CPNE7: variants seen among roughly 807,000 people sequenced by gnomAD.
CPNE7 encodes the protein copine-7.
Under a neutral mutation model 66.5 loss-of-function variants are expected in CPNE7, and 78 were observed. The ratio of observed to expected loss-of-function variants is 1.17; its 90% CI spans 0.98 to 1.42. CPNE7 has a LOEUF of 1.42. Among genes scored for constraint, CPNE7 ranks in the 40% most tolerant of loss-of-function variants. The pLI is 0.00. For missense variants in CPNE7, 1,012 were observed against 776.6 expected, an observed-to-expected ratio of 1.30 and a Z score of -3.60; for synonymous variants, 468 against 336.7, an observed-to-expected ratio of 1.39 and a Z score of -4.27.
intron 13 of CPNE7, among the ~76,000 whole-genome samples, chr16:89,593,431 C>A (rs1452836317): frequency 6.6e-6 from 1 of 151,600 alleles, no homozygotes; most frequent in East Asian, 1.9e-4. Flanking sequence ...TGGTTCACTG[C>A]AAGCTCCGCC....
chr16:89,589,851 C>T, intron 10 of CPNE7, 46 bp from the exon 11 acceptor site: 1 of 1,609,338 alleles, frequency 6.2e-7, no homozygotes, highest in Non-Finnish European at 8.5e-7. Flanking sequence ...CCTGTTGCAG[C>T]CACAAGAGGT....
At chr16:89,583,358 C>G (rs1243525454) in intron 2 of CPNE7, 2 of 1,319,090 alleles carry the variant, frequency 1.5e-6, no homozygotes, top group Non-Finnish European at 2.1e-6. Context: ...GAGGGGCGTC[C>G]GCCACACCTG....
chr16:89,583,872 G>T (rs2058994245), intron 3 of CPNE7, 101 bp downstream of exon 3: 2 of 1,469,736 alleles, frequency 1.4e-6, no homozygotes, highest in East Asian at 4.7e-5. Context: ...TCCAGGGAGG[G>T]TCTGCAGGAG....
intron 13 of CPNE7, among the ~76,000 whole-genome samples, chr16:89,593,347 T>C (rs914617736): frequency 1.3e-4 from 19 of 150,962 alleles, no homozygotes; most frequent in African/African-American, 4.7e-4. Context: ...ATCACGGTTT[T>C]ACCTCTTAAT....
rs61740474 is a variant in CPNE7, at chr16:89,591,524, A to G, written c.1302+264A>G. On this transcript the variant is annotated intron_variant, in intron 13 of 14. Coordinates refer to ENST00000319518, the MANE Select transcript of CPNE7 (RefSeq NM_153636.3). ...CTGCCCCTCTCCTCTTCCTCTGGGC[A>G]CCACAAGGCCGCGCACATGTCTACT... 1.7e-3 allele frequency among the ~76,000 whole-genome samples: 252 copies of G among 152,248 alleles called. 2 individuals are homozygous for G. The highest frequency in any genetic ancestry group is 5.8e-3 in the African/African-American group (239 of 41,528).
intron 3 of CPNE7, 86 bp from the exon 4 acceptor site, chr16:89,583,942 G>A (rs926555905): frequency 1.9e-6 from 3 of 1,539,952 alleles, no homozygotes; most frequent in East Asian, 2.3e-5. Context: ...CGCTGGGTGG[G>A]GTCAGCCAGC....
rs1211152076 is a variant in CPNE7, at chr16:89,590,875, G to A, written c.1117-132G>A. On this transcript the variant is annotated intron_variant, in intron 11 of 14. Transcript: ENST00000319518. ...CTCTTTAGTAGGCGGGGGACATGAG[G>A]GCGGGGACGGGGGGAGCAGCTGACT... The A allele has an allele frequency of 8.2e-6, 7 of 849,612 alleles. No homozygotes were observed. In the Admixed American group the frequency reaches 1.6e-4, roughly 19 times the overall value. 52.6% of individuals were successfully genotyped at this position (849,612 alleles called of 1,614,324 possible). A position where few individuals can be genotyped will look rare whatever the true frequency, so the allele number is the denominator to read the frequency against.
intron 2 of CPNE7, among the ~76,000 whole-genome samples, chr16:89,582,897 G>T (rs985708517): frequency 6.6e-6 from 1 of 152,250 alleles, no homozygotes; most frequent in Non-Finnish European, 1.5e-5. Flanking sequence ...AGGAGATGAC[G>T]GCCACCCCGC....
chr16:89,588,876 T>G, intron 10 of CPNE7, 68 bp downstream of exon 10: 2 of 1,579,158 alleles, frequency 1.3e-6, no homozygotes, highest in Non-Finnish European at 1.7e-6. Context: ...CCTGGCCGTC[T>G]TCCCCCTCAC....
rs1479074839 is a variant in CPNE7 at position 89,587,977 on chromosome 16, C to G, written c.928-698C>G. On this transcript the variant is annotated intron_variant, in intron 9 of 14. Coordinates refer to ENST00000319518, the MANE Select transcript of CPNE7 (RefSeq NM_153636.3). ...CGTGTTACCCACAGATACACGGCCC[C>G]CGTGTCACCCACAGATACACGGCCC... Among the ~76,000 whole-genome samples the G allele has an allele frequency of 1.1e-3, 14 of 12,786 alleles. 5 individuals are homozygous for G. Among genetic ancestry groups the G allele is most frequent in the South Asian group, 3.0e-3 (2 of 674 alleles). 8.4% of individuals were successfully genotyped at this position (12,786 alleles called of 152,430 possible).
chr16:89,587,225 C>G (rs1352101195), intron 9 of CPNE7, 123 bp downstream of exon 9: 1 of 408,104 alleles, frequency 2.5e-6, no homozygotes, highest in African/African-American at 5.0e-5. Flanking sequence ...CATCCCCGCC[C>G]CCTCAGTCCG....
At chr16:89,591,106 C>G in intron 12 of CPNE7, 21 bp from the exon 13 acceptor site, 2 of 1,613,030 alleles carry the variant, frequency 1.2e-6, no homozygotes, top group Non-Finnish European at 1.7e-6. Flanking sequence ...GGGGGCCGGG[C>G]TCACCCCCTG....
intron 13 of CPNE7, among the ~76,000 whole-genome samples, chr16:89,591,674 C>G (rs985352298): frequency 6.6e-6 from 1 of 152,044 alleles, no homozygotes; most frequent in Admixed American, 6.5e-5. Flanking sequence ...TCTCTGGGGC[C>G]ACAGCCAGCC....
intron 2 of CPNE7, among the ~76,000 whole-genome samples, chr16:89,581,444 G>A (rs1241359517): frequency 2.0e-5 from 3 of 152,160 alleles, no homozygotes; most frequent in Non-Finnish European, 4.4e-5. Flanking sequence ...GGAATTCCAC[G>A]TCCATGAATC....
chr16:89,593,895 C>T lies in CPNE7; in HGVS notation c.1303-1472C>T, dbSNP rs192869408. Among the ~76,000 whole-genome samples, 739 of 152,262 alleles carry T rather than the reference C, an allele frequency of 4.9e-3. 3 individuals are homozygous for T. Among genetic ancestry groups the T allele is most frequent in the Non-Finnish European group, 7.9e-3 (535 of 68,010 alleles). ...GTTATGTTCCTGTGTGGCTGGGAAG[C>T]GGGTCTCAGACGGTTTCATCTGTAA... is the stretch of plus-strand genomic sequence containing the variant. On this transcript the variant is annotated intron_variant, in intron 13 of 14. Transcript: ENST00000319518.
In CPNE7 at chr16:89,591,723, A is replaced by G. The variant is rs144439663; in HGVS notation, c.1302+463A>G. Reference sequence around the variant, plus strand: ...TCTTTTCTTTTGTTTTTTGTGAGACAGAGTCTCACTCTGTCACCCAGGCTG... The same window carrying G: ...TCTTTTCTTTTGTTTTTTGTGAGACGGAGTCTCACTCTGTCACCCAGGCTG... On this transcript the variant is annotated intron_variant, in intron 13 of 14. Transcript: ENST00000319518. 4.9e-3 allele frequency among the ~76,000 whole-genome samples: 749 copies of G among 152,224 alleles called. 4 individuals are homozygous for G. The highest frequency in any genetic ancestry group is 0.028 in the South Asian group (136 of 4,822).
In CPNE7 at chr16:89,596,564, G is replaced by T. The variant is rs754680072; in HGVS notation, c.1620G>T (p.Leu540=). 2 of 1,608,966 alleles carry T rather than the reference G, an allele frequency of 1.2e-6. No individual in the cohort carries two copies. The highest frequency in any genetic ancestry group is 1.7e-6 in the Non-Finnish European group (2 of 1,179,770). The change falls in exon 15 of 15, where the codon CTG becomes CTT. Residue 540 remains leucine (L), a synonymous_variant. Coordinates refer to ENST00000319518, the MANE Select transcript of CPNE7 (RefSeq NM_153636.3). Reference sequence around the variant, plus strand: ...TGGAGTACTACAGCCACAGAGGCCTGCCCCCGAGAAGCCTGGGTGTCCCTG... The same window carrying T: ...TGGAGTACTACAGCCACAGAGGCCTTCCCCCGAGAAGCCTGGGTGTCCCTG... The part of the protein sequence containing the change: ...QVVEYYSHRG[L]PPRSLGVPAG...
intron 10 of CPNE7, among the ~76,000 whole-genome samples, chr16:89,589,163 A>T (rs2151451234): frequency 6.6e-6 from 1 of 152,310 alleles, no homozygotes; most frequent in Admixed American, 6.5e-5. Flanking sequence ...GTGGTGGCAG[A>T]TGCCTGTAAT....
Position 89,587,212 on chromosome 16 carries a change from GCCCATCCCCGC to G in CPNE7, c.927+114_927+124del, listed in dbSNP as rs1221289906. On this transcript the variant is annotated intron_variant, in intron 9 of 14. Transcript: ENST00000319518. ...CCCCGCCCCCTCAGTCTGTGGCCCC[GCCCATCCCCGC>G]CCCCTCAGTCCGTGGCCCCGCCCCT... The G allele has an allele frequency of 6.0e-5, 25 of 413,592 alleles. No individual in the cohort carries two copies. In the African/African-American group the frequency reaches 6.3e-4, roughly 10 times the overall value. 25.6% of individuals were successfully genotyped at this position (413,592 alleles called of 1,614,324 possible). A position where few individuals can be genotyped will look rare whatever the true frequency, so the allele number is the denominator to read the frequency against.
Sources: gnomAD v4.1 joint callset for allele counts (sites outside exome capture counted in the v4.1 genomes callset) on GRCh38, gnomAD v4.1.1 for gene constraint, MANE v1.5 for transcripts, NCBI Gene and HGNC (gene_info 2026-07-23, HGNC 2026-07-21) for gene names.